The following RAD51B variants were observed in gnomAD, a reference collection of about 807,000 sequenced individuals.
RAD51B encodes the protein DNA repair protein RAD51 homolog 2.
RAD51B carries 38 observed loss-of-function variants against 42.2 expected under a neutral mutation model. The ratio of observed to expected loss-of-function variants is 0.90; its 90% CI spans 0.70 to 1.18. The LOEUF is 1.18. Among genes scored for constraint, RAD51B ranks in the 50% most tolerant of loss-of-function variants. RAD51B has a pLI of 0.00. For synonymous variants in RAD51B, 154 were observed against 145.2 expected, an observed-to-expected ratio of 1.06 and a Z score of -0.43; for missense variants, 373 against 400.7, an observed-to-expected ratio of 0.93 and a Z score of 0.59.
intron 7 of RAD51B, among the ~76,000 whole-genome samples, chr14:68,106,201 A>G (rs1405679963): frequency 2.6e-5 from 4 of 151,954 alleles, no homozygotes; most frequent in Admixed American, 6.6e-5. Flanking sequence ...TTGAGAAACT[A>G]TAAGAACCCA....
chr14:67,987,282 A>G (rs1460495983), intron 7 of RAD51B, among the ~76,000 whole-genome samples: 1 of 152,102 alleles, frequency 6.6e-6, no homozygotes, highest in Non-Finnish European at 1.5e-5. Context: ...GGTCTTATTC[A>G]TTTCTAATTA....
chr14:68,366,581 G>T (rs976928376), intron 8 of RAD51B, among the ~76,000 whole-genome samples: 1 of 152,108 alleles, frequency 6.6e-6, no homozygotes, highest in Non-Finnish European at 1.5e-5. Context: ...TTTCCCCAGG[G>T]GTTTCTTGCC....
intron 7 of RAD51B, among the ~76,000 whole-genome samples, chr14:68,221,784 A>G (rs1416806175): frequency 6.6e-6 from 1 of 152,242 alleles, no homozygotes; most frequent in Admixed American, 6.5e-5. Flanking sequence ...TACAAAATCT[A>G]TACATGTGAC....
At chr14:68,099,751 C>T (rs1158589418) in intron 7 of RAD51B, among the ~76,000 whole-genome samples, 1 of 152,104 alleles carries the variant, frequency 6.6e-6, no homozygotes, top group Non-Finnish European at 1.5e-5. Flanking sequence ...AACACTAGGC[C>T]CTTGTGATAG....
At chr14:67,982,858 A>G (rs2075120945) in intron 7 of RAD51B, among the ~76,000 whole-genome samples, 2 of 151,982 alleles carry the variant, frequency 1.3e-5, no homozygotes, top group African/African-American at 2.4e-5. Flanking sequence ...GAGCCCAGGA[A>G]TTTGAGACCA....
intron 8 of RAD51B, among the ~76,000 whole-genome samples, chr14:68,348,133 G>A (rs1372188155): frequency 2.6e-5 from 4 of 152,164 alleles, no homozygotes; most frequent in Non-Finnish European, 5.9e-5. Flanking sequence ...CCCTCAAAGA[G>A]TTTACCAGTT....
intron 7 of RAD51B, among the ~76,000 whole-genome samples, chr14:68,080,372 G>A (rs1217780132): frequency 6.6e-6 from 1 of 151,736 alleles, no homozygotes; most frequent in Non-Finnish European, 1.5e-5. Flanking sequence ...TCCTTTTCTG[G>A]GATTCTTCAA....
intron 7 of RAD51B, among the ~76,000 whole-genome samples, chr14:67,903,013 T>G (rs529623980): frequency 6.6e-6 from 1 of 152,062 alleles, no homozygotes; most frequent in Non-Finnish European, 1.5e-5. Flanking sequence ...CCATGCCCTT[T>G]TTAACAGCTA....
At chr14:68,141,886 C>T (rs1206322245) in intron 7 of RAD51B, among the ~76,000 whole-genome samples, 1 of 152,174 alleles carries the variant, frequency 6.6e-6, no homozygotes. Flanking sequence ...CCTAGACCTT[C>T]CCAGGCTGGT....
chr14:68,682,496 C>T (rs1893452472), intron 11 of RAD51B, among the ~76,000 whole-genome samples: 1 of 152,220 alleles, frequency 6.6e-6, no homozygotes. Flanking sequence ...TGGTTTAGAA[C>T]ATAACCTTCC....
chr14:68,148,662 C>T (rs1275741387), intron 7 of RAD51B, among the ~76,000 whole-genome samples: 3 of 152,206 alleles, frequency 2.0e-5, no homozygotes, highest in Non-Finnish European at 4.4e-5. Context: ...ACGATACTCT[C>T]TCGTGATACT....
At position 68,270,092 on chromosome 14, in the gene RAD51B, G is replaced by A. The variant is rs149119699; in HGVS notation, c.757-21792G>A. ...ATACTAACCCTAAGAATAACTTTGC[G>A]ATAACTTTGCAACCTTAACTTCCAT... On this transcript the variant is annotated intron_variant, in intron 7 of 10. Transcript: ENST00000471583. Among the ~76,000 whole-genome samples the A allele has an allele frequency of 5.6e-4, 85 of 152,308 alleles. 1 individual carries two copies. Among genetic ancestry groups the A allele is most frequent in the Middle Eastern group, 3.4e-3 (1 of 294 alleles).
At chr14:68,177,539 A>C (rs762784321) in intron 7 of RAD51B, among the ~76,000 whole-genome samples, 9 of 152,142 alleles carry the variant, frequency 5.9e-5, no homozygotes, top group Non-Finnish European at 1.3e-4. Flanking sequence ...TTCTCTCACT[A>C]GGCTGGAGCT....
chr14:68,225,113 A>C (rs2080010401), intron 7 of RAD51B, among the ~76,000 whole-genome samples: 1 of 152,232 alleles, frequency 6.6e-6, no homozygotes, highest in South Asian at 2.1e-4. Context: ...TTTTTCTAAA[A>C]TATTATAAAT....
At chr14:68,407,197 T>C (rs547267181) in intron 8 of RAD51B, among the ~76,000 whole-genome samples, 1 of 152,250 alleles carries the variant, frequency 6.6e-6, no homozygotes, top group East Asian at 1.9e-4. Context: ...TAAAAGTATA[T>C]ATAGTAAATA....
intron 7 of RAD51B, among the ~76,000 whole-genome samples, chr14:68,210,105 G>A (rs902512648): frequency 2.6e-5 from 4 of 151,964 alleles, no homozygotes; most frequent in Admixed American, 2.0e-4. Flanking sequence ...GACAACAGGC[G>A]TACGCCACCA....
chr14:68,224,843 G>A (rs1469380974), intron 7 of RAD51B, among the ~76,000 whole-genome samples: 6 of 151,892 alleles, frequency 4.0e-5, no homozygotes, highest in Middle Eastern at 3.2e-3. Context: ...ACAGGTGTCC[G>A]CTGCCACGCC....
Position 68,370,098 on chromosome 14 carries a change from G to A in RAD51B, c.854-41326G>A, listed in dbSNP as rs542279271. On this transcript the variant is annotated intron_variant, in intron 8 of 10. Transcript: ENST00000471583. ...GTTCCATTAGTGGAACACTAAGCTT[G>A]TGGGAGTTATTTATATCCTCATGCT... Among the ~76,000 whole-genome samples the A allele has an allele frequency of 1.2e-4, 18 of 152,306 alleles. No homozygotes were observed. The South Asian group carries it at 2.9e-3, about 25-fold the overall frequency.
At chr14:68,522,808 C>T (rs1469891778) in intron 10 of RAD51B, among the ~76,000 whole-genome samples, 1 of 152,102 alleles carries the variant, frequency 6.6e-6, no homozygotes, top group Non-Finnish European at 1.5e-5. Flanking sequence ...AGAGGTCACC[C>T]CAAACCTCCA....
Sources: allele counts gnomAD v4.1 joint callset (sites outside exome capture counted in the v4.1 genomes callset), GRCh38; gene constraint gnomAD v4.1.1; transcripts MANE v1.5; gene names NCBI Gene and HGNC (gene_info 2026-07-23, HGNC 2026-07-21).